MYT1: variants seen among roughly 807,000 people sequenced by gnomAD.
MYT1 encodes myelin transcription factor 1, also known as myelin transcription factor I.
Under a neutral mutation model 123.0 loss-of-function variants are expected in MYT1, and 23 were observed. The observed-to-expected ratio is 0.19, with a 90% confidence interval of 0.13 to 0.26. The LOEUF (loss-of-function observed/expected upper bound fraction) is 0.26, where lower values mean the gene tolerates loss of function less well. Among genes scored for constraint, MYT1 ranks in the 10% least tolerant of loss-of-function variants. MYT1 has a pLI of 1.00. For synonymous variants in MYT1, 518 were observed against 575.3 expected (o/e 0.90, Z 1.43); for missense variants, 1,125 against 1,472.5 (o/e 0.76, Z 3.86).
rs563987218 is a variant in MYT1 at position 64,198,749 on chromosome 20, T to A, written c.1-113T>A. The A allele has an allele frequency of 3.5e-6, 4 of 1,151,936 alleles. No individual in the cohort carries two copies. The South Asian group carries it at 5.4e-5, about 16-fold the overall frequency. The allele number at this position is 1,151,936 out of a possible 1,614,324, so 71.4% of individuals were successfully genotyped here. A position where few individuals can be genotyped will look rare whatever the true frequency, so the allele number is the denominator to read the frequency against. Reference sequence around the variant, plus strand: ...CATCCTTGTCATTCTGTGCCCAAAATCACCTTTGCTGTCAAAGCTTGAGCC... The same window carrying A: ...CATCCTTGTCATTCTGTGCCCAAAAACACCTTTGCTGTCAAAGCTTGAGCC... On this transcript the variant is annotated intron_variant, in intron 2 of 22. Coordinates refer to ENST00000328439, the MANE Select transcript of MYT1 (RefSeq NM_004535.3).
rs1984716547 is a variant in MYT1, at chr20:64,241,536, T to A, written c.*1088T>A. ...GGAAAAAATTAAAAAGTAGTTAGTTTAATTATTCTGTAAATTATTTAATTT... is the reference window on the plus strand; with the variant it reads ...GGAAAAAATTAAAAAGTAGTTAGTTAAATTATTCTGTAAATTATTTAATTT... On this transcript the variant is annotated 3_prime_UTR_variant, in exon 23 of 23. Coordinates refer to ENST00000328439, the MANE Select transcript of MYT1 (RefSeq NM_004535.3). This position sits in a 1 kb window ranked among gnomAD's most constrained non-coding sequence, Gnocchi z 4.2. 6.5e-6 allele frequency: 1 copy of A among 152,750 alleles called. No individual in the cohort carries two copies. Among genetic ancestry groups the A allele is most frequent in the South Asian group, 2.1e-4 (1 of 4,832 alleles). 9.5% of individuals were successfully genotyped at this position (152,750 alleles called of 1,614,324 possible).
At chr20:64,181,508 G>A (rs1982650741) in intron 1 of MYT1, among the ~76,000 whole-genome samples, 1 of 152,124 alleles carries the variant, frequency 6.6e-6, no homozygotes, top group Non-Finnish European at 1.5e-5. Flanking sequence ...TGGGGAGGAT[G>A]GACACAATGG....
At chr20:64,223,021 G>A (rs1163434055) in intron 14 of MYT1, 90 bp from the exon 15 acceptor site, 1 of 1,469,666 alleles carries the variant, frequency 6.8e-7, no homozygotes, top group Admixed American at 1.7e-5. Flanking sequence ...TGAGCCAGGA[G>A]TGGGCACCAG....
At chr20:64,236,789 C>T (rs573328424) in intron 20 of MYT1, 143 bp downstream of exon 20, 31 of 700,998 alleles carry the variant, frequency 4.4e-5, no homozygotes, top group East Asian at 3.2e-4. Context: ...GATCCCTTCA[C>T]CTAAGCTGAC....
chr20:64,197,180 C>A (rs11699630), intron 2 of MYT1, among the ~76,000 whole-genome samples: 1 of 152,210 alleles, frequency 6.6e-6, no homozygotes, highest in Non-Finnish European at 1.5e-5. Context: ...GCTCCACAGC[C>A]TGGAGTCGGC....
chr20:64,187,089 G>A lies in MYT1; in HGVS notation c.-98-2974G>A, dbSNP rs184453037. Among the ~76,000 whole-genome samples, 686 of 148,804 alleles carry A rather than the reference G, an allele frequency of 4.6e-3. 1 individual carries two copies. Among genetic ancestry groups the A allele is most frequent in the South Asian group, 0.018 (83 of 4,690 alleles). On this transcript the variant is annotated intron_variant, in intron 1 of 22. Coordinates refer to ENST00000328439, the MANE Select transcript of MYT1 (RefSeq NM_004535.3). ...GACTTTTCCTGTAGCCCGTGGCCCC[G>A]GCATCCATGTTTCCGTGGAGAGTTT...
chr20:64,237,906 A>G (rs1037006845), intron 21 of MYT1, among the ~76,000 whole-genome samples: 8 of 152,134 alleles, frequency 5.3e-5, no homozygotes, highest in East Asian at 3.9e-4. Context: ...CAATTCCTCC[A>G]TAAAATGGAG....
chr20:64,239,300 G>C (rs1220257385), intron 21 of MYT1, among the ~76,000 whole-genome samples: 1 of 152,154 alleles, frequency 6.6e-6, no homozygotes, highest in Non-Finnish European at 1.5e-5. Flanking sequence ...ACACTCCACG[G>C]GGGGGTGCAG....
Position 64,212,188 on chromosome 20 carries a change from TGGGGGCCAGG to T in MYT1, c.1517+52_1517+61del, listed in dbSNP as rs1568712902. The T allele has an allele frequency of 1.2e-5, 3 of 245,650 alleles. No homozygotes were observed. The highest frequency in any genetic ancestry group is 1.5e-4 in the African/African-American group (2 of 13,110). 15.2% of individuals were successfully genotyped at this position (245,650 alleles called of 1,614,324 possible). ...GTGGGGGCCAGGGTGGGGGCCGTGGTGGGGGCCAGGGTGGGGGCCGTGGTGGGGGCCAGGG... is the reference window on the plus strand; with the variant it reads ...GTGGGGGCCAGGGTGGGGGCCGTGGTGTGGGGGCCGTGGTGGGGGCCAGGG... On this transcript the variant is annotated intron_variant, in intron 9 of 22. Coordinates refer to ENST00000328439, the MANE Select transcript of MYT1 (RefSeq NM_004535.3). The surrounding 1 kb of genome is among the most constrained non-coding windows in gnomAD (Gnocchi z 6.8).
intron 1 of MYT1, among the ~76,000 whole-genome samples, chr20:64,171,786 T>C (rs1192396219): frequency 3.3e-5 from 5 of 149,376 alleles, no homozygotes; most frequent in African/African-American, 1.2e-4. Flanking sequence ...ACCTCTGGCA[T>C]CTGGAGGAAG....
chr20:64,188,596 C>T (rs1489574992), intron 1 of MYT1, among the ~76,000 whole-genome samples: 1 of 152,188 alleles, frequency 6.6e-6, no homozygotes, highest in African/African-American at 2.4e-5. Context: ...CGATTCTTGT[C>T]GATTCACTTA....
intron 21 of MYT1, among the ~76,000 whole-genome samples, chr20:64,237,836 C>A (rs1984597782): frequency 6.6e-6 from 1 of 152,156 alleles, no homozygotes; most frequent in Non-Finnish European, 1.5e-5. Flanking sequence ...CAGCACCCAG[C>A]ACAGCCACAT....
At chr20:64,164,978 C>G (rs1293126896) in intron 1 of MYT1, among the ~76,000 whole-genome samples, 1 of 152,084 alleles carries the variant, frequency 6.6e-6, no homozygotes, top group Non-Finnish European at 1.5e-5. Context: ...GTTCATGCTC[C>G]TCTGAGATTC....
rs1310773268 is a variant in MYT1 at position 64,186,951 on chromosome 20, T to C, written c.-98-3112T>C. ...GGAGAGTTTTCCTGTAGCACGTGGC[T>C]CCGGCATCCACGTTTCCGTGGAGAG... On this transcript the variant is annotated intron_variant, in intron 1 of 22. Transcript: ENST00000328439. The surrounding 1 kb of genome is among the most constrained non-coding windows in gnomAD (Gnocchi z 4.3). 4.4e-4 allele frequency among the ~76,000 whole-genome samples: 45 copies of C among 101,904 alleles called. No homozygotes were observed. The highest frequency in any genetic ancestry group is 1.3e-3 in the East Asian group (4 of 3,110). The allele number at this position is 101,904 out of a possible 152,430, so 66.9% of individuals were successfully genotyped here.
rs867532649 is a variant in MYT1, at chr20:64,193,190, G to T, written c.-1+3030G>T. Among the ~76,000 whole-genome samples, 1 of 152,212 alleles carries T rather than the reference G, an allele frequency of 6.6e-6. No individual in the cohort carries two copies. Among genetic ancestry groups the T allele is most frequent in the African/African-American group, 2.4e-5 (1 of 41,434 alleles). ...GAACTATCTCTGCAAGGAACCAAGGGTACTGTGATGGCTGCCAGTGGGGAT... is the reference window on the plus strand; with the variant it reads ...GAACTATCTCTGCAAGGAACCAAGGTTACTGTGATGGCTGCCAGTGGGGAT... On this transcript the variant is annotated intron_variant, in intron 2 of 22. Transcript: ENST00000328439. This position sits in a 1 kb window ranked among gnomAD's most constrained non-coding sequence, Gnocchi z 4.0.
At chr20:64,235,539 G>T (rs1379058296) in intron 19 of MYT1, among the ~76,000 whole-genome samples, 1 of 140,990 alleles carries the variant, frequency 7.1e-6, no homozygotes, top group African/African-American at 2.7e-5. Flanking sequence ...GTGACCCGGG[G>T]CTGGCCGTGG....
rs570682210 is a variant in MYT1 at position 64,185,848 on chromosome 20, C to T, written c.-98-4215C>T. On this transcript the variant is annotated intron_variant, in intron 1 of 22. Transcript: ENST00000328439. This position sits in a 1 kb window ranked among gnomAD's most constrained non-coding sequence, Gnocchi z 4.5. ...GACAAGGGGGCTCTCCTTGCCATGA[C>T]GACAGAAGGAAACCTTGGGGTAGGC... 3.4e-4 allele frequency among the ~76,000 whole-genome samples: 52 copies of T among 152,280 alleles called. No homozygotes were observed. Among genetic ancestry groups the T allele is most frequent in the South Asian group, 1.0e-3 (5 of 4,824 alleles).
Position 64,218,988 on chromosome 20 carries a change from G to A in MYT1, c.1924G>A (p.Glu642Lys), listed in dbSNP as rs867729390. 1.2e-6 allele frequency: 2 copies of A among 1,613,824 alleles called. No individual in the cohort carries two copies. The highest frequency in any genetic ancestry group is 1.7e-6 in the Non-Finnish European group (2 of 1,180,026). The change falls in exon 12 of 23, where the codon GAG (glutamate) becomes AAG (lysine). Residue 642 changes from glutamate (E) to lysine (K), a missense_variant. By Grantham distance (56) the Glu-to-Lys change is moderately conservative. Around this residue, in one of 4 missense-constraint regions of MYT1, gnomAD observed 429 missense variants for 604.1 expected, o/e 0.71. Coordinates refer to ENST00000328439, the MANE Select transcript of MYT1 (RefSeq NM_004535.3). This position sits in a 1 kb window ranked among gnomAD's most constrained non-coding sequence, Gnocchi z 4.0. ...CCTGAACCTCTCCACGCGCTGCTGG[G>A]AGATGCCTGAGAACCTCAGCACGAA... ...AILNLSTRCWEMPENLSTKPQ... is the reference protein window; with the variant it reads ...AILNLSTRCWKMPENLSTKPQ...
intron 7 of MYT1, among the ~76,000 whole-genome samples, chr20:64,209,339 T>G (rs914840226): frequency 6.6e-6 from 1 of 152,212 alleles, no homozygotes; most frequent in African/African-American, 2.4e-5. Flanking sequence ...GCTCCCTCAG[T>G]GAGCCATGCC....
Sources: allele counts gnomAD v4.1 joint callset (sites outside exome capture counted in the v4.1 genomes callset), GRCh38; gene constraint gnomAD v4.1.1; regional missense constraint gnomAD v4.1.1; non-coding constraint Gnocchi (gnomAD v3.1); transcripts MANE v1.5; gene names NCBI Gene and HGNC (gene_info 2026-07-23, HGNC 2026-07-21).